Variants in FAM3B observed in about 807,000 individuals in gnomAD.
FAM3B encodes the protein protein FAM3B.
In FAM3B, 29 loss-of-function variants were observed where a neutral mutation model predicts 28.4. The ratio of observed to expected loss-of-function variants is 1.02; its 90% confidence interval spans 0.76 to 1.39. The LOEUF (loss-of-function observed/expected upper bound fraction) is 1.39, where lower values mean the gene tolerates loss of function less well. Among genes scored for constraint, FAM3B ranks in the 40% most tolerant of loss-of-function variants. The pLI is 0.00. For synonymous variants in FAM3B, 91 were observed against 103.0 expected (o/e 0.88, Z 0.71); for missense variants, 266 against 293.9 (o/e 0.91, Z 0.69).
At chr21:41,311,224 A>C (rs1601343901) in intron 1 of FAM3B, among the ~76,000 whole-genome samples, 1 of 111,692 alleles carries the variant, frequency 9.0e-6, no homozygotes, top group African/African-American at 3.3e-5. Context: ...ACATGACAAA[A>C]CCCTGTCTCT....
At chr21:41,333,042 C>CT (rs1285502144) in intron 2 of FAM3B, among the ~76,000 whole-genome samples, 1 of 148,008 alleles carries the variant, frequency 6.8e-6, no homozygotes, top group East Asian at 2.0e-4. Flanking sequence ...TATGTGAGAC[C>CT]TTTTTTTAAT....
At chr21:41,356,450 T>C (rs189702442) in intron 7 of FAM3B, among the ~76,000 whole-genome samples, 12 of 152,286 alleles carry the variant, frequency 7.9e-5, no homozygotes, top group Non-Finnish European at 1.5e-4. Context: ...TCTCATGGAA[T>C]TTATTGAACA....
upstream of FAM3B, among the ~76,000 whole-genome samples, chr21:41,312,722 AGTGTGTGTGT>A (rs10580404): frequency 6.7e-6 from 1 of 148,216 alleles, no homozygotes; most frequent in African/African-American, 2.5e-5. Flanking sequence ...TGTGTGTGAG[AGTGTGTGTGT>A]GTGTGTGTGT....
intron 1 of FAM3B, among the ~76,000 whole-genome samples, chr21:41,318,899 G>T (rs1367497996): frequency 6.6e-6 from 1 of 152,112 alleles, no homozygotes; most frequent in African/African-American, 2.4e-5. Flanking sequence ...CCTTTTAAAT[G>T]TTTATTGTTT....
chr21:41,330,638 G>T (rs1294686714), intron 2 of FAM3B, among the ~76,000 whole-genome samples: 1 of 152,138 alleles, frequency 6.6e-6, no homozygotes, highest in Non-Finnish European at 1.5e-5. Context: ...CCTGCTCTTT[G>T]CTTCTATGAG....
In FAM3B at chr21:41,357,595, G is replaced by A. The variant is rs1443621347; in HGVS notation, c.*398G>A. 6.6e-6 allele frequency among the ~76,000 whole-genome samples: 1 copy of A among 152,222 alleles called. No homozygotes were observed. The highest frequency in any genetic ancestry group is 6.5e-5 in the Admixed American group (1 of 15,284). ...ACCAAGCACCTCCTAGTTTCCGACA[G>A]TCATCTCCTTCTGCTGGGAGAATTA... On this transcript the variant is annotated 3_prime_UTR_variant, in exon 8 of 8. Transcript: ENST00000357985.
intron 1 of FAM3B, chr21:41,322,700 C>T (rs2088817658): frequency 1.4e-6 from 1 of 729,096 alleles, no homozygotes; most frequent in East Asian, 2.7e-5. Context: ...ATACAACTTG[C>T]CCTGGAAAGC....
upstream of FAM3B, among the ~76,000 whole-genome samples, chr21:41,312,003 C>T (rs1003247722): frequency 7.9e-5 from 12 of 152,104 alleles, no homozygotes; most frequent in African/African-American, 2.9e-4. Flanking sequence ...ATTTTTAAAC[C>T]CATCAGATCT....
chr21:41,338,406 C>A lies in FAM3B; in HGVS notation c.192C>A (p.Asp64Glu). The change falls in exon 3 of 8, where the codon GAC becomes GAA. Residue 64 changes from aspartate to glutamate, a missense_variant. Coordinates refer to ENST00000357985, the MANE Select transcript of FAM3B (RefSeq NM_058186.4). ...CAGTCCCCAAAAGGCAAAAATGTGA[C>A]CACTGGACTCCCTGCCCATCTGACA... ...KAPVPKRQKC[D>E]HWTPCPSDTY... 1 of 1,614,164 alleles carries A rather than the reference C, an allele frequency of 6.2e-7. No homozygotes were observed. Among genetic ancestry groups the A allele is most frequent in the South Asian group, 1.1e-5 (1 of 91,084 alleles).
chr21:41,354,215 T>C (rs1464393838), intron 7 of FAM3B, among the ~76,000 whole-genome samples: 1 of 145,654 alleles, frequency 6.9e-6, no homozygotes, highest in Non-Finnish European at 1.5e-5. Flanking sequence ...CAACCTTTGT[T>C]GAAGACATGT....
At chr21:41,315,089 G>A (rs2088738661), upstream of FAM3B, among the ~76,000 whole-genome samples, 1 of 152,098 alleles carries the variant, frequency 6.6e-6, no homozygotes, top group African/African-American at 2.4e-5. Context: ...ATGTCCAATG[G>A]AATTTTATTC....
chr21:41,334,096 T>TGCGCTTATAA (rs1327195990), intron 2 of FAM3B, among the ~76,000 whole-genome samples: 1 of 152,160 alleles, frequency 6.6e-6, no homozygotes, highest in Middle Eastern at 3.2e-3. Context: ...TCTAATAACC[T>TGCGCTTATAA]GCGCTTATAA....
At chr21:41,343,958 A>C (rs1190822710) in intron 3 of FAM3B, among the ~76,000 whole-genome samples, 1 of 152,170 alleles carries the variant, frequency 6.6e-6, no homozygotes, top group African/African-American at 2.4e-5. Context: ...TCTCTACAAA[A>C]AAATTTTTAA....
intron 2 of FAM3B, among the ~76,000 whole-genome samples, chr21:41,331,196 A>G (rs906978291): frequency 2.6e-5 from 4 of 152,186 alleles, no homozygotes; most frequent in Non-Finnish European, 5.9e-5. Flanking sequence ...AATATTGAAC[A>G]TGTTTTCATA....
intron 7 of FAM3B, among the ~76,000 whole-genome samples, chr21:41,353,979 C>T (rs2145835839): frequency 6.6e-6 from 1 of 152,214 alleles, no homozygotes. Flanking sequence ...AGACAAAGGA[C>T]ATGAACAGAC....
chr21:41,338,295 G>C, intron 2 of FAM3B, 83 bp from the exon 3 acceptor site: 1 of 1,535,786 alleles, frequency 6.5e-7, no homozygotes, highest in Non-Finnish European at 8.9e-7. Flanking sequence ...GGTATGAAGT[G>C]CTGGTGTTCT....
intron 3 of FAM3B, among the ~76,000 whole-genome samples, chr21:41,341,990 T>C (rs2089010918): frequency 6.6e-6 from 1 of 152,232 alleles, no homozygotes; most frequent in African/African-American, 2.4e-5. Flanking sequence ...TTCCAGTTTA[T>C]GTTTCTCTGA....
rs1244103326 is a variant in FAM3B at position 41,311,248 on chromosome 21, AAAAATATATATATATATATATATATATAT to A, written n.99+6940_99+6968del. On this transcript the variant is annotated intron_variant and non_coding_transcript_variant, in intron 1 of 9. Coordinates refer to the FAM3B transcript ENST00000479810. Reference sequence around the variant, plus strand: ...AACCCTGTCTCTACAAAAAAAAAAAAAAAATATATATATATATATATATATATATATATATATATATATATATATGTATA... The same window carrying A: ...AACCCTGTCTCTACAAAAAAAAAAAAATATATATATATATATATATGTATA... Among the ~76,000 whole-genome samples the A allele has an allele frequency of 4.2e-4, 27 of 64,256 alleles. 1 individual carries two copies. Among genetic ancestry groups the A allele is most frequent in the African/African-American group, 1.6e-3 (27 of 16,720 alleles). The allele number at this position is 64,256 out of a possible 152,430, so 42.2% of individuals were successfully genotyped here.
Position 41,326,463 on chromosome 21 carries a change from G to T in FAM3B, c.163+3397G>T, listed in dbSNP as rs74893648. On this transcript the variant is annotated intron_variant, in intron 2 of 7. Coordinates refer to ENST00000357985, the MANE Select transcript of FAM3B (RefSeq NM_058186.4). This position sits in a 1 kb window ranked among gnomAD's most constrained non-coding sequence, Gnocchi z 4.0. ...CACTAAAGCCACATACTCCCTGGAG[G>T]ATATGAGGCACATCAAACACCTCCC... is the stretch of plus-strand genomic sequence containing the variant. 0.014 allele frequency among the ~76,000 whole-genome samples: 2,186 copies of T among 152,286 alleles called. 57 individuals are homozygous for T. Among genetic ancestry groups the T allele is most frequent in the African/African-American group, 0.05 (2,096 of 41,548 alleles).
Sources: gnomAD v4.1 joint callset for allele counts (sites outside exome capture counted in the v4.1 genomes callset) on GRCh38, gnomAD v4.1.1 for gene constraint, Gnocchi (gnomAD v3.1) non-coding constraint, MANE v1.5 for transcripts, NCBI Gene and HGNC (gene_info 2026-07-23, HGNC 2026-07-21) for gene names.